Variants in NCR1 observed in about 807,000 individuals in gnomAD.
NCR1 encodes natural cytotoxicity triggering receptor 1.
Under a neutral mutation model 32.5 loss-of-function variants are expected in NCR1, and 30 were observed. That is an observed-to-expected ratio of 0.92 (90% CI 0.69 to 1.25). The LOEUF (loss-of-function observed/expected upper bound fraction) is 1.25, where lower values mean the gene tolerates loss of function less well. NCR1 is among the 50% of genes most tolerant of loss of function. The pLI, the probability that NCR1 is intolerant of heterozygous loss-of-function variation, is 0.00. For synonymous variants in NCR1, 169 were observed against 143.4 expected (o/e 1.18, Z -1.28); for missense variants, 369 against 380.7 (o/e 0.97, Z 0.26).
At chr19:54,934,619 A>G in the NCR1 span, 1 of 1,614,076 alleles carries the variant, frequency 6.2e-7, no homozygotes, top group Non-Finnish European at 8.5e-7. This position sits in a 1 kb window ranked among gnomAD's most constrained non-coding sequence, Gnocchi z 6.7. Context: ...ACATAGAAGA[A>G]TTCAGCCCAC....
Position 54,909,979 on chromosome 19 carries a change from C to A in NCR1, c.635-39C>A, listed in dbSNP as rs762032420. 4.2e-5 allele frequency: 66 copies of A among 1,553,954 alleles called. 1 individual carries two copies. The South Asian group carries it at 7.3e-4, about 17-fold the overall frequency. On this transcript the variant is annotated intron_variant, in intron 4 of 6. Coordinates refer to ENST00000291890, the MANE Select transcript of NCR1 (RefSeq NM_004829.7). ...AAAGAATGGCAAGACCGGAGGAAAC[C>A]AAAAACCCTTACTTTTTTTTCTTTA...
chr19:54,937,344 A>C, the NCR1 span, among the ~76,000 whole-genome samples: 2 of 151,832 alleles, frequency 1.3e-5, no homozygotes, highest in African/African-American at 4.8e-5. Flanking sequence ...TGTGTAACTA[A>C]CCTGTACTTG....
the NCR1 span, among the ~76,000 whole-genome samples, chr19:54,931,677 C>T: frequency 8.4e-6 from 1 of 118,752 alleles, no homozygotes; most frequent in African/African-American, 3.6e-5. Context: ...AAGAGCGAAA[C>T]TCCATCTCAA....
the NCR1 span, chr19:54,936,203 C>T: frequency 5.3e-6 from 8 of 1,499,104 alleles, no homozygotes; most frequent in African/African-American, 4.1e-5. Context: ...CTAGATCCCC[C>T]AGCAACACGG....
the NCR1 span, among the ~76,000 whole-genome samples, chr19:54,929,383 C>G: frequency 1.5e-5 from 2 of 135,816 alleles, no homozygotes; most frequent in Admixed American, 1.6e-4. Flanking sequence ...AAAAAAGTAC[C>G]CTGTGTTCTA....
Position 54,909,487 on chromosome 19 carries a change from T to C in NCR1, c.598T>C (p.Ser200Pro). The part of the protein sequence containing the change: ...CFGSYNNHAW[S>P]FPSEPVKLLV... ...TGGCTCCTATAACAACCATGCCTGG[T>C]CTTTCCCCAGTGAGCCAGTGAAGCT... Residue 200 changes from serine (S) to proline (P), a missense_variant, in exon 4 of 7, where the codon TCT becomes CCT. By Grantham distance (74) the Ser-to-Pro change is moderately conservative. Transcript: ENST00000291890. 1 of 1,608,890 alleles carries C rather than the reference T, an allele frequency of 6.2e-7. No individual in the cohort carries two copies. Among genetic ancestry groups the C allele is most frequent in the South Asian group, 1.1e-5 (1 of 91,068 alleles).
At chr19:54,903,910 G>C (rs915450664), upstream of NCR1, among the ~76,000 whole-genome samples, 10 of 151,586 alleles carry the variant, frequency 6.6e-5, no homozygotes, top group African/African-American at 2.4e-4. Context: ...AGATTCACTT[G>C]AGGTGAGGAG....
At chr19:54,931,029 AC>A in the NCR1 span, among the ~76,000 whole-genome samples, 16 of 152,212 alleles carry the variant, frequency 1.1e-4, no homozygotes, top group African/African-American at 1.9e-4. Flanking sequence ...TCTCAAGAAA[AC>A]AACAACAACA....
chr19:54,926,722 C>A, the NCR1 span, among the ~76,000 whole-genome samples: 1 of 151,980 alleles, frequency 6.6e-6, no homozygotes, highest in East Asian at 1.9e-4. Context: ...TCGAGACCAG[C>A]CTGGCCAACA....
the NCR1 span, among the ~76,000 whole-genome samples, chr19:54,900,285 T>A: frequency 1.8e-3 from 266 of 151,678 alleles, no homozygotes; most frequent in African/African-American, 6.1e-3. Flanking sequence ...AGAAAGAGAG[T>A]CAGCAAAGGG....
At chr19:54,903,399 T>TGTATACACGCATAC (rs2067351804), upstream of NCR1, among the ~76,000 whole-genome samples, 6 of 139,726 alleles carry the variant, frequency 4.3e-5, no homozygotes, top group African/African-American at 1.6e-4. Context: ...CATATATGTA[T>TGTATACACGCATAC]ATGTATGTAT....
the NCR1 span, chr19:54,930,695 T>C: frequency 6.2e-7 from 1 of 1,602,838 alleles, no homozygotes; most frequent in Non-Finnish European, 8.5e-7. Flanking sequence ...AAGAGAAGCC[T>C]GTTATCCCTC....
At chr19:54,923,380 T>C in the NCR1 span, 6 of 362,680 alleles carry the variant, frequency 1.7e-5, no homozygotes, top group South Asian at 1.4e-4. Context: ...GCGCCTGAGT[T>C]AGGGAAGAAA....
chr19:54,906,463 G>A, intron 2 of NCR1, 60 bp from the exon 3 acceptor site: 1 of 1,599,716 alleles, frequency 6.3e-7, no homozygotes, highest in Non-Finnish European at 8.5e-7. Context: ...GCAGCTGGGT[G>A]GAGCCTAAGG....
upstream of NCR1, among the ~76,000 whole-genome samples, chr19:54,903,683 G>GTGTA (rs879880110): frequency 0.05 from 7,361 of 147,448 alleles, 252 homozygotes; most frequent in Admixed American, 0.098. Context: ...ATGTATAAAT[G>GTGTA]TATATATGTG....
chr19:54,922,981 G>C, the NCR1 span, among the ~76,000 whole-genome samples: 32 of 151,668 alleles, frequency 2.1e-4, no homozygotes, highest in East Asian at 5.4e-3. Flanking sequence ...GAGAGAGAGA[G>C]ACACATACAC....
the NCR1 span, chr19:54,934,747 TTG>T: frequency 2.6e-6 from 3 of 1,134,548 alleles, no homozygotes; most frequent in Non-Finnish European, 3.7e-6. This position sits in a 1 kb window ranked among gnomAD's most constrained non-coding sequence, Gnocchi z 6.7. Context: ...TTTCACTCTG[TTG>T]CCCAGTCTGG....
intron 3 of NCR1, among the ~76,000 whole-genome samples, chr19:54,908,017 T>C (rs1439091774): frequency 6.6e-6 from 1 of 152,072 alleles, no homozygotes; most frequent in Admixed American, 6.6e-5. Context: ...TATTGATCAT[T>C]CTTGGGTGTT....
chr19:54,921,514 G>C, the NCR1 span, among the ~76,000 whole-genome samples: 1 of 152,186 alleles, frequency 6.6e-6, no homozygotes, highest in Non-Finnish European at 1.5e-5. Context: ...GCTCACGCCT[G>C]TCATCCCAGC....
Sources: allele counts gnomAD v4.1 joint callset (sites outside exome capture counted in the v4.1 genomes callset), GRCh38; gene constraint gnomAD v4.1.1; non-coding constraint Gnocchi (gnomAD v3.1); transcripts MANE v1.5; gene names NCBI Gene and HGNC (gene_info 2026-07-23, HGNC 2026-07-21).